The following GRIA1 variants were observed in gnomAD, a reference collection of about 807,000 sequenced individuals.
The protein encoded by GRIA1 is glutamate ionotropic receptor AMPA type subunit 1, also known as glutamate receptor 1.
GRIA1 carries 31 observed loss-of-function variants against 99.2 expected under a neutral mutation model. The observed-to-expected ratio is 0.31, with a 90% confidence interval of 0.23 to 0.42. The LOEUF (loss-of-function observed/expected upper bound fraction) is 0.42, where lower values mean the gene tolerates loss of function less well. Among genes scored for constraint, GRIA1 ranks in the 10% least tolerant of loss-of-function variants. The pLI, the probability that GRIA1 is intolerant of heterozygous loss-of-function variation, is 1.00. For synonymous variants in GRIA1, 438 were observed against 432.4 expected (o/e 1.01, Z -0.16); for missense variants, 782 against 1,157.5 (o/e 0.68, Z 4.71).
At chr5:153,708,588 C>T (rs116479539) in intron 11 of GRIA1, among the ~76,000 whole-genome samples, 2 of 152,316 alleles carry the variant, frequency 1.3e-5, no homozygotes, top group South Asian at 2.1e-4. Flanking sequence ...TCCTATAACA[C>T]AGTACCCAGC....
chr5:153,720,904 GAAGAT>G (rs1265714675), intron 11 of GRIA1, among the ~76,000 whole-genome samples: 2 of 152,194 alleles, frequency 1.3e-5, no homozygotes, highest in Non-Finnish European at 2.9e-5. Context: ...GTCTCATTAG[GAAGAT>G]AAGACTAACA....
chr5:153,811,596 A>T lies in GRIA1; in HGVS notation c.*371A>T. ...TTGTTAGTGTGTCTTAGTGTGTGCA[A>T]TTTTTTTTCTTACTAATATCCATGG... On this transcript the variant is annotated 3_prime_UTR_variant, in exon 16 of 16. Coordinates refer to ENST00000285900, the MANE Select transcript of GRIA1 (RefSeq NM_000827.4). The T allele has an allele frequency of 5.7e-6, 1 of 175,536 alleles. No individual in the cohort carries two copies. Among genetic ancestry groups the T allele is most frequent in the Non-Finnish European group, 1.2e-5 (1 of 81,906 alleles). 10.9% of individuals were successfully genotyped at this position (175,536 alleles called of 1,614,324 possible).
In GRIA1 at chr5:153,623,459, C is replaced by T. The variant is rs569721237; in HGVS notation, c.221-23469C>T. 8.8e-4 allele frequency among the ~76,000 whole-genome samples: 134 copies of T among 152,184 alleles called. 3 individuals carry two copies. Among genetic ancestry groups the T allele is most frequent in the South Asian group, 6.2e-4 (3 of 4,820 alleles). On this transcript the variant is annotated intron_variant, in intron 2 of 15. Coordinates refer to ENST00000285900, the MANE Select transcript of GRIA1 (RefSeq NM_000827.4). ...TGTTAGCAAAGGTAGCAAGTGACAG[C>T]CCAGGATGGAGCATTCAGTAAAAAA...
At chr5:153,612,062 C>T (rs576536610) in intron 2 of GRIA1, among the ~76,000 whole-genome samples, 83 of 152,302 alleles carry the variant, frequency 5.4e-4, no homozygotes, top group African/African-American at 1.9e-3. Context: ...TCTGCCTCTC[C>T]AAATGTGAGA....
chr5:153,744,022 G>A (rs1308102240), intron 11 of GRIA1, among the ~76,000 whole-genome samples: 1 of 152,108 alleles, frequency 6.6e-6, no homozygotes, highest in Non-Finnish European at 1.5e-5. Flanking sequence ...TGAGAACTGG[G>A]GAAGAACAAT....
intron 2 of GRIA1, among the ~76,000 whole-genome samples, chr5:153,615,244 G>A (rs969621369): frequency 6.6e-6 from 1 of 152,194 alleles, no homozygotes; most frequent in Non-Finnish European, 1.5e-5. Context: ...TCGTTATTAA[G>A]TCTATACAGA....
At chr5:153,751,038 T>G (rs1260388000) in intron 11 of GRIA1, among the ~76,000 whole-genome samples, 1 of 152,052 alleles carries the variant, frequency 6.6e-6, no homozygotes, top group African/African-American at 2.4e-5. Flanking sequence ...AGGCAGAGGT[T>G]GCAGTGAGCC....
At chr5:153,526,471 T>C (rs1561611995) in intron 2 of GRIA1, among the ~76,000 whole-genome samples, 1 of 152,252 alleles carries the variant, frequency 6.6e-6, no homozygotes. Context: ...TGTTTGGTTG[T>C]GTTTTAAAAC....
At chr5:153,589,908 G>A (rs1036572191) in intron 2 of GRIA1, among the ~76,000 whole-genome samples, 4 of 152,156 alleles carry the variant, frequency 2.6e-5, no homozygotes, top group Non-Finnish European at 5.9e-5. Flanking sequence ...GTTCAGGTGT[G>A]CTGAGCTCAC....
intron 11 of GRIA1, among the ~76,000 whole-genome samples, chr5:153,759,735 A>T (rs1763057066): frequency 6.6e-6 from 1 of 151,930 alleles, no homozygotes; most frequent in South Asian, 2.1e-4. Context: ...CCAAAACCAG[A>T]CACAACAAAA....
rs765164155 is a variant in GRIA1 at position 153,514,365 on chromosome 5, T to C, written c.220+20300T>C. Reference sequence around the variant, plus strand: ...TTAATTCATTTTGAGTTGATTCTTGTGTAAGGGATGAGAAAACGGTCCAAT... The same window carrying C: ...TTAATTCATTTTGAGTTGATTCTTGCGTAAGGGATGAGAAAACGGTCCAAT... On this transcript the variant is annotated intron_variant, in intron 2 of 15. Transcript: ENST00000285900. Among the ~76,000 whole-genome samples, 84 of 152,352 alleles carry C rather than the reference T, an allele frequency of 5.5e-4. No homozygotes were observed. In the Middle Eastern group the frequency reaches 0.01, roughly 19 times the overall value.
chr5:153,634,654 C>T (rs903663272), intron 2 of GRIA1, among the ~76,000 whole-genome samples: 3 of 152,068 alleles, frequency 2.0e-5, no homozygotes, highest in Non-Finnish European at 4.4e-5. Context: ...CACACCCCTG[C>T]GGAAAAGGAA....
chr5:153,513,562 A>G (rs989080714), intron 2 of GRIA1, among the ~76,000 whole-genome samples: 12 of 152,178 alleles, frequency 7.9e-5, no homozygotes, highest in African/African-American at 2.9e-4. Context: ...AGAGAAAAAA[A>G]TGGAAATAGG....
At chr5:153,652,863 A>G (rs1055048417) in intron 4 of GRIA1, among the ~76,000 whole-genome samples, 1 of 152,164 alleles carries the variant, frequency 6.6e-6, no homozygotes, top group Admixed American at 6.5e-5. Context: ...TATATCTCTG[A>G]CTTACAATCT....
At chr5:153,548,285 G>A (rs944281228) in intron 2 of GRIA1, among the ~76,000 whole-genome samples, 2 of 152,144 alleles carry the variant, frequency 1.3e-5, no homozygotes, top group Admixed American at 6.6e-5. Context: ...GCACTTTCTC[G>A]TGAGCTCCGC....
intron 4 of GRIA1, among the ~76,000 whole-genome samples, chr5:153,652,648 G>T (rs1754659842): frequency 6.6e-6 from 1 of 152,296 alleles, no homozygotes; most frequent in East Asian, 1.9e-4. Flanking sequence ...GTTTGTATGG[G>T]TATTTTAGAT....
chr5:153,512,010 T>G (rs1044110940), intron 2 of GRIA1, among the ~76,000 whole-genome samples: 1 of 152,102 alleles, frequency 6.6e-6, no homozygotes, highest in Non-Finnish European at 1.5e-5. Flanking sequence ...ACAAAGCAAA[T>G]CTGCTGCAAA....
intron 1 of GRIA1, chr5:153,492,201 G>A: frequency 1.3e-6 from 2 of 1,531,708 alleles, no homozygotes; most frequent in Non-Finnish European, 1.7e-6. Context: ...GGGCATACAT[G>A]TGCTGCAGTA....
chr5:153,553,334 C>A (rs1432617263), intron 2 of GRIA1, among the ~76,000 whole-genome samples: 1 of 152,150 alleles, frequency 6.6e-6, no homozygotes, highest in Non-Finnish European at 1.5e-5. Context: ...GAATGAGAGG[C>A]ATAAGACAGA....
Sources: gnomAD v4.1 joint callset for allele counts (sites outside exome capture counted in the v4.1 genomes callset) on GRCh38, gnomAD v4.1.1 for gene constraint, MANE v1.5 for transcripts, NCBI Gene and HGNC (gene_info 2026-07-23, HGNC 2026-07-21) for gene names.